The following LLGL2 variants were observed in gnomAD, a reference collection of about 807,000 sequenced individuals.
LLGL2 encodes LLGL2, scribble cell polarity complex component.
A neutral mutation model predicts 123.2 loss-of-function variants in LLGL2; 81 were observed. That is an observed-to-expected ratio of 0.66 (90% CI 0.55 to 0.79). The LOEUF is 0.79. Among genes scored for constraint, LLGL2 ranks in the 30% least tolerant of loss-of-function variants. The pLI is 0.00. For missense variants in LLGL2, 1,273 were observed against 1,414.6 expected (o/e 0.90, Z 1.61); for synonymous variants, 577 against 594.1 (o/e 0.97, Z 0.42).
At position 75,563,453 on chromosome 17, in the gene LLGL2, C is replaced by T. The variant is rs751824117; in HGVS notation, c.816C>T (p.Leu272=). ...EAQQPEPLRS[L]VPYGPFPCKA... ...AGCAACCAGAGCCCCTCCGCAGCCT[C>T]GTGCCTTACGGTCAGTGTTTCACCC... is the stretch of plus-strand genomic sequence containing the variant. The change falls in exon 8 of 26, where the codon CTC becomes CTT. Residue 272 remains leucine (L), a synonymous_variant. Coordinates refer to ENST00000392550, the MANE Select transcript of LLGL2 (RefSeq NM_001031803.2). 8.1e-6 allele frequency: 13 copies of T among 1,612,404 alleles called. No individual in the cohort carries two copies. Among genetic ancestry groups the T allele is most frequent in the Admixed American group, 5.0e-5 (3 of 60,006 alleles).
At chr17:75,574,415 A>G in intron 23 of LLGL2, 38 bp from the exon 24 acceptor site, 1 of 1,547,510 alleles carries the variant, frequency 6.5e-7, no homozygotes, top group Non-Finnish European at 8.7e-7. Flanking sequence ...AGCCGCCCCA[A>G]GGGCCTCAGT....
chr17:75,560,829 A>G (rs1178100393), intron 6 of LLGL2, among the ~76,000 whole-genome samples: 6 of 110,966 alleles, frequency 5.4e-5, no homozygotes, highest in Non-Finnish European at 1.1e-4. Context: ...AAAAAAAAAA[A>G]AAACAAAGAA....
At position 75,574,623 on chromosome 17, in the gene LLGL2, C is replaced by T. The variant is rs1671018; in HGVS notation, c.3010C>T (p.Arg1004Cys). ...LEGDRGSGNWRSHRAAVGCSL... is the reference protein window; with the variant it reads ...LEGDRGSGNWCSHRAAVGCSL... ...TTGCCTGTGCAGGAGCGGCAACTGG[C>T]GTTCACATCGAGCCGCCGTGGGGTG... is the stretch of plus-strand genomic sequence containing the variant. The change falls in exon 25 of 26, where the codon CGT (arginine) becomes TGT (cysteine). Residue 1004 changes from arginine to cysteine, a missense_variant. Transcript: ENST00000392550. 1,056 of 1,612,336 alleles carry T rather than the reference C, an allele frequency of 6.5e-4. 6 individuals carry two copies. The African/African-American group carries it at 0.013, about 19-fold the overall frequency.
rs1320404366 is a variant in LLGL2 at position 75,572,204 on chromosome 17, TGA to T, written c.2460+142_2460+143del. 1.0e-5 allele frequency: 9 copies of T among 861,518 alleles called. No individual in the cohort carries two copies. In the African/African-American group the frequency reaches 1.2e-4, roughly 11 times the overall value. 53.4% of individuals were successfully genotyped at this position (861,518 alleles called of 1,614,324 possible). On this transcript the variant is annotated intron_variant, in intron 19 of 25. Transcript: ENST00000392550. Reference sequence around the variant, plus strand: ...GGGCTGCAGAAGTACAGGAAATAAGTGAGGGGGGAGTCTCGTGTGAGGACACT... The same window carrying T: ...GGGCTGCAGAAGTACAGGAAATAAGTGGGGGGAGTCTCGTGTGAGGACACT...
chr17:75,559,230 C>A lies in LLGL2; in HGVS notation c.372-22C>A. On this transcript the variant is annotated intron_variant, in intron 5 of 25. Coordinates refer to ENST00000392550, the MANE Select transcript of LLGL2 (RefSeq NM_001031803.2). The surrounding 1 kb of genome is among the most constrained non-coding windows in gnomAD (Gnocchi z 4.6). Reference sequence around the variant, plus strand: ...CCCCTGCTGGGCAGTGGTCGGCTCACGGGCAGCTGTTCTTGTCACAGGGCT... The same window carrying A: ...CCCCTGCTGGGCAGTGGTCGGCTCAAGGGCAGCTGTTCTTGTCACAGGGCT... 1.3e-6 allele frequency: 2 copies of A among 1,571,868 alleles called. No homozygotes were observed. The highest frequency in any genetic ancestry group is 1.9e-5 in the Admixed American group (1 of 53,622).
At chr17:75,566,348 A>T (rs1385341853) in intron 10 of LLGL2, among the ~76,000 whole-genome samples, 2 of 152,134 alleles carry the variant, frequency 1.3e-5, no homozygotes, top group East Asian at 3.9e-4. Flanking sequence ...CACGGAGTGG[A>T]GCAAAGACGG....
In LLGL2 at chr17:75,574,615, G is replaced by A. The variant is rs751759737; in HGVS notation, c.3002G>A (p.Gly1001Asp). Residue 1001 changes from glycine (G) to aspartate (D), a missense_variant, in exon 25 of 26, where the codon GGC becomes GAC. Physicochemically the swap from Gly to Asp is moderately conservative, Grantham distance 94 (BLOSUM62 -1). Transcript: ENST00000392550. ...QSTLEGDRGS[G>D]NWRSHRAAVG... ...CCCTGTCTTTGCCTGTGCAGGAGCG[G>A]CAACTGGCGTTCACATCGAGCCGCC... 1 of 1,612,352 alleles carries A rather than the reference G, an allele frequency of 6.2e-7. No homozygotes were observed. Among genetic ancestry groups the A allele is most frequent in the Non-Finnish European group, 8.5e-7 (1 of 1,179,616 alleles).
chr17:75,552,229 C>T lies in LLGL2; in HGVS notation c.76-3817C>T, dbSNP rs117314167. ...GTCAAGGTGGCTCATACCTGTAATC[C>T]CAGCACTCTGGCACTCTGGAAGGCT... On this transcript the variant is annotated intron_variant, in intron 2 of 25. Transcript: ENST00000392550. Among the ~76,000 whole-genome samples the T allele has an allele frequency of 3.1e-3, 471 of 152,120 alleles. 16 individuals carry two copies. The East Asian group carries it at 0.054, about 17-fold the overall frequency.
intron 18 of LLGL2, 33 bp downstream of exon 18, chr17:75,571,816 CGGGCTGCCT>C (rs2038458128): frequency 1.2e-5 from 19 of 1,603,266 alleles, no homozygotes; most frequent in Non-Finnish European, 1.6e-5. Flanking sequence ...AGAGGGTGCT[CGGGCTGCCT>C]GGGCTGGGTC....
intron 2 of LLGL2, among the ~76,000 whole-genome samples, chr17:75,555,451 A>G (rs1448579718): frequency 6.6e-6 from 1 of 152,040 alleles, no homozygotes; most frequent in Non-Finnish European, 1.5e-5. Flanking sequence ...GTAATAAATG[A>G]AAAAAACACG....
At chr17:75,532,067 C>G (rs2053812097) in intron 1 of LLGL2, among the ~76,000 whole-genome samples, 1 of 132,422 alleles carries the variant, frequency 7.6e-6, no homozygotes, top group South Asian at 2.4e-4. Context: ...CACACACACA[C>G]ACACACACAC....
Position 75,532,057 on chromosome 17 carries a change from C to T in LLGL2, c.-31+6232C>T, listed in dbSNP as rs192566153. Reference sequence around the variant, plus strand: ...AATAAATTATATATATGTATATATACACACACACACACACACACACTTTTT... The same window carrying T: ...AATAAATTATATATATGTATATATATACACACACACACACACACACTTTTT... On this transcript the variant is annotated intron_variant, in intron 1 of 25. Transcript: ENST00000392550. Among the ~76,000 whole-genome samples the T allele has an allele frequency of 6.5e-5, 7 of 107,258 alleles. No individual in the cohort carries two copies. The South Asian group carries it at 9.8e-4, about 15-fold the overall frequency. 70.4% of individuals were successfully genotyped at this position (107,258 alleles called of 152,430 possible).
At chr17:75,537,050 TG>T (rs2054029189) in intron 1 of LLGL2, among the ~76,000 whole-genome samples, 1 of 152,146 alleles carries the variant, frequency 6.6e-6, no homozygotes, top group African/African-American at 2.4e-5. Context: ...CGCAAACTCC[TG>T]ACCTCAAGTG....
intron 1 of LLGL2, among the ~76,000 whole-genome samples, chr17:75,532,077 C>CTTTT (rs1555648013): frequency 2.4e-5 from 2 of 83,990 alleles, no homozygotes; most frequent in East Asian, 2.8e-4. Context: ...CACACACACA[C>CTTTT]TTTTTTTTTT....
intron 1 of LLGL2, among the ~76,000 whole-genome samples, chr17:75,539,106 T>A (rs1413825743): frequency 6.6e-6 from 1 of 152,028 alleles, no homozygotes; most frequent in Non-Finnish European, 1.5e-5. Flanking sequence ...TCACCTAGGC[T>A]AGAGTACAGT....
chr17:75,571,521 G>T, intron 17 of LLGL2, 146 bp from the exon 18 acceptor site: 1 of 651,330 alleles, frequency 1.5e-6, no homozygotes, highest in Non-Finnish European at 2.7e-6. Flanking sequence ...ACCTGGGATT[G>T]GGGTCTTCTA....
Position 75,544,288 on chromosome 17 carries a change from G to A in LLGL2, c.75+787G>A, listed in dbSNP as rs182565945. On this transcript the variant is annotated intron_variant, in intron 2 of 25. Coordinates refer to ENST00000392550, the MANE Select transcript of LLGL2 (RefSeq NM_001031803.2). This position sits in a 1 kb window ranked among gnomAD's most constrained non-coding sequence, Gnocchi z 4.2. ...TGGGCTGCAGGAACTGGGACACTGT[G>A]ATCCTCTTCCCCCGGGGAGCCAGGA... Among the ~76,000 whole-genome samples the A allele has an allele frequency of 4.7e-3, 720 of 152,310 alleles. 6 individuals carry two copies. The highest frequency in any genetic ancestry group is 0.016 in the African/African-American group (673 of 41,568).
At chr17:75,553,638 C>G (rs1045971548) in intron 2 of LLGL2, among the ~76,000 whole-genome samples, 3 of 152,158 alleles carry the variant, frequency 2.0e-5, no homozygotes, top group Non-Finnish European at 4.4e-5. Context: ...GTCTTTAAAG[C>G]AATCAGTTGA....
chr17:75,570,208 TG>T lies in LLGL2; in HGVS notation c.1829del (p.Gly610AlafsTer114), dbSNP rs759796942. 118 of 1,599,004 alleles carry T rather than the reference TG, an allele frequency of 7.4e-5. No individual in the cohort carries two copies. The highest frequency in any genetic ancestry group is 9.3e-5 in the Non-Finnish European group (109 of 1,174,758). On this transcript the variant is annotated frameshift_variant, in exon 15 of 26. Transcript: ENST00000392550. LOFTEE classifies it high-confidence loss of function. ...WRLVAFGTSH[G>X]FGLFDHQQRR... The stretch of plus-strand genomic sequence containing the variant: ...GGCTCGTGGCCTTCGGCACCAGCCA[TG>T]GCTTTGGCCTCTTTGACCACCAGCA...
Sources: allele counts gnomAD v4.1 joint callset (sites outside exome capture counted in the v4.1 genomes callset), GRCh38; gene constraint gnomAD v4.1.1; non-coding constraint Gnocchi (gnomAD v3.1); transcripts MANE v1.5; gene names NCBI Gene and HGNC (gene_info 2026-07-23, HGNC 2026-07-21).